ST8SIA3: variants seen among roughly 807,000 people sequenced by gnomAD.
ST8SIA3 encodes the protein alpha-N-acetylneuraminate alpha-2,8-sialyltransferase ST8SIA3.
ST8SIA3 carries 17 observed loss-of-function variants against 34.5 expected under a neutral mutation model. That is an observed-to-expected ratio of 0.49 (90% CI 0.34 to 0.74). The LOEUF is 0.74. Ranked by LOEUF, ST8SIA3 falls within the 30% of genes least tolerant of loss-of-function variation. The pLI, the probability that ST8SIA3 is intolerant of heterozygous loss-of-function variation, is 0.01. For synonymous variants in ST8SIA3, 172 were observed against 176.1 expected, an observed-to-expected ratio of 0.98 and a Z score of 0.19; for missense variants, 354 against 467.8, an observed-to-expected ratio of 0.76 and a Z score of 2.24.
rs1568100274 is a variant in ST8SIA3, at chr18:57,352,786, GAGCTGCTGGCCGCTCA to G, written c.-59_-44del. On this transcript the variant is annotated 5_prime_UTR_variant, in exon 1 of 4. In the 5' UTR this introduces an upstream ATG that the reference lacks. Coordinates refer to ENST00000324000, the MANE Select transcript of ST8SIA3 (RefSeq NM_015879.3). Reference sequence around the variant, plus strand: ...CACACACACATATATACACGCCAGCGAGCTGCTGGCCGCTCAATGGACCGATTTCCCCGGTTTCCCT... The same window carrying G: ...CACACACACATATATACACGCCAGCGATGGACCGATTTCCCCGGTTTCCCT... The G allele has an allele frequency of 2.3e-6, 3 of 1,331,646 alleles. No individual in the cohort carries two copies. The highest frequency in any genetic ancestry group is 2.1e-6 in the Non-Finnish European group (2 of 933,470). 82.5% of individuals were successfully genotyped at this position (1,331,646 alleles called of 1,614,324 possible). A position where few individuals can be genotyped will look rare whatever the true frequency, so the allele number is the denominator to read the frequency against.
chr18:57,364,289 G>A lies in ST8SIA3; in HGVS notation c.*4012G>A, dbSNP rs1338141120. The stretch of plus-strand genomic sequence containing the variant: ...ATGCATAATTTAGAAGTTGAAGGCT[G>A]AAAATTGTTGTGTTCTTCTCCATAT... On this transcript the variant is annotated 3_prime_UTR_variant, in exon 4 of 4. Coordinates refer to ENST00000324000, the MANE Select transcript of ST8SIA3 (RefSeq NM_015879.3). The A allele has an allele frequency of 6.6e-6, 1 of 152,206 alleles. No individual in the cohort carries two copies. The highest frequency in any genetic ancestry group is 1.5e-5 in the Non-Finnish European group (1 of 68,042). The allele number at this position is 152,206 out of a possible 1,614,324, so 9.4% of individuals were successfully genotyped here.
chr18:57,353,480 C>G (rs930878688), intron 1 of ST8SIA3, among the ~76,000 whole-genome samples: 1 of 152,140 alleles, frequency 6.6e-6, no homozygotes, highest in African/African-American at 2.4e-5. Context: ...GGACTCCCCT[C>G]GCGCCCTCCT....
In ST8SIA3 at chr18:57,365,850, C is replaced by T. The variant is rs1471012660; in HGVS notation, c.*5573C>T. ...CCAGACTTCTTTCTATAGCTGTGCACATAGAAAGGCTTTAGACAACAGTGA... is the reference window on the plus strand; with the variant it reads ...CCAGACTTCTTTCTATAGCTGTGCATATAGAAAGGCTTTAGACAACAGTGA... On this transcript the variant is annotated 3_prime_UTR_variant, in exon 4 of 4. Coordinates refer to ENST00000324000, the MANE Select transcript of ST8SIA3 (RefSeq NM_015879.3). 2 of 152,194 alleles carry T rather than the reference C, an allele frequency of 1.3e-5. No homozygotes were observed. The highest frequency in any genetic ancestry group is 2.9e-5 in the Non-Finnish European group (2 of 68,042). The allele number at this position is 152,194 out of a possible 1,614,324, so 9.4% of individuals were successfully genotyped here.
Position 57,360,541 on chromosome 18 carries a change from A to G in ST8SIA3, c.*264A>G. The G allele has an allele frequency of 2.3e-6, 1 of 431,880 alleles. No homozygotes were observed. The highest frequency in any genetic ancestry group is 4.0e-5 in the South Asian group (1 of 24,950). 26.8% of individuals were successfully genotyped at this position (431,880 alleles called of 1,614,324 possible). On this transcript the variant is annotated 3_prime_UTR_variant, in exon 4 of 4. Transcript: ENST00000324000. ...TGCTGCTAACGAAATGGTTTGAAGT[A>G]TTTTCATGTTTGGATTTTAATAATA... is the stretch of plus-strand genomic sequence containing the variant.
rs1397325571 is a variant in ST8SIA3 at position 57,362,220 on chromosome 18, G to A, written c.*1943G>A. On this transcript the variant is annotated 3_prime_UTR_variant, in exon 4 of 4. Transcript: ENST00000324000. The stretch of plus-strand genomic sequence containing the variant: ...GTTCCCTGTCCCTTTGAAGAGGACT[G>A]TACTACCATCCTCACACTGTGCTCT... 2.0e-5 allele frequency: 3 copies of A among 152,216 alleles called. No individual in the cohort carries two copies. Among genetic ancestry groups the A allele is most frequent in the Non-Finnish European group, 4.4e-5 (3 of 68,044 alleles). The allele number at this position is 152,216 out of a possible 1,614,324, so 9.4% of individuals were successfully genotyped here.
intron 2 of ST8SIA3, among the ~76,000 whole-genome samples, chr18:57,355,010 G>A (rs756040823): frequency 1.4e-4 from 22 of 152,122 alleles, no homozygotes; most frequent in African/African-American, 4.6e-4. Flanking sequence ...CAAATTACTC[G>A]TGAAAATGCT....
chr18:57,359,862 T>G (rs2049819975), intron 3 of ST8SIA3, 133 bp from the exon 4 acceptor site: 5 of 787,994 alleles, frequency 6.3e-6, no homozygotes, highest in Admixed American at 3.0e-5. Context: ...TTTGGTTGCC[T>G]AAAATATAAT....
At chr18:57,359,125 C>T (rs73449647) in intron 3 of ST8SIA3, among the ~76,000 whole-genome samples, 2,271 of 152,194 alleles carry the variant, frequency 0.015, 59 homozygotes, top group African/African-American at 0.052. Context: ...TCAATGAAAA[C>T]GGGAAGGAAA....
rs2049871511 is a variant in ST8SIA3 at position 57,368,228 on chromosome 18, A to C, written c.*7951A>C. On this transcript the variant is annotated 3_prime_UTR_variant, in exon 4 of 4. Coordinates refer to ENST00000324000, the MANE Select transcript of ST8SIA3 (RefSeq NM_015879.3). ...CATTAATTAGAAGTCAAGACAAAAG[A>C]ATGTTTGTGATATCTTCTCTCGCTT... 1 of 152,246 alleles carries C rather than the reference A, an allele frequency of 6.6e-6. No individual in the cohort carries two copies. Among genetic ancestry groups the C allele is most frequent in the African/African-American group, 2.4e-5 (1 of 41,460 alleles). The allele number at this position is 152,246 out of a possible 1,614,324, so 9.4% of individuals were successfully genotyped here. A position where few individuals can be genotyped will look rare whatever the true frequency, so the allele number is the denominator to read the frequency against.
rs2049838235 is a variant in ST8SIA3 at position 57,362,640 on chromosome 18, CT to C, written c.*2364del. 1 of 152,134 alleles carries C rather than the reference CT, an allele frequency of 6.6e-6. No individual in the cohort carries two copies. The highest frequency in any genetic ancestry group is 1.5e-5 in the Non-Finnish European group (1 of 68,036). 9.4% of individuals were successfully genotyped at this position (152,134 alleles called of 1,614,324 possible). A position where few individuals can be genotyped will look rare whatever the true frequency, so the allele number is the denominator to read the frequency against. ...TTCCCATCCCCCACCACCGTGTTAT[CT>C]ATCACTTTAATGAAAACTCAAAATA... On this transcript the variant is annotated 3_prime_UTR_variant, in exon 4 of 4. Transcript: ENST00000324000.
At position 57,368,815 on chromosome 18, in the gene ST8SIA3, G is replaced by A. The variant is rs572915559; in HGVS notation, c.*8538G>A. 5.9e-5 allele frequency: 9 copies of A among 152,332 alleles called. No individual in the cohort carries two copies. The East Asian group carries it at 1.5e-3, about 26-fold the overall frequency. The allele number at this position is 152,332 out of a possible 1,614,324, so 9.4% of individuals were successfully genotyped here. A position where few individuals can be genotyped will look rare whatever the true frequency, so the allele number is the denominator to read the frequency against. ...TGAAGAAAATGCAACCATTTGCTTC[G>A]ACAGCTCCTCAAATGTACTTGTTAA... On this transcript the variant is annotated 3_prime_UTR_variant, in exon 4 of 4. Coordinates refer to ENST00000324000, the MANE Select transcript of ST8SIA3 (RefSeq NM_015879.3).
chr18:57,363,415 T>G lies in ST8SIA3; in HGVS notation c.*3138T>G, dbSNP rs918417782. On this transcript the variant is annotated 3_prime_UTR_variant, in exon 4 of 4. Transcript: ENST00000324000. Reference sequence around the variant, plus strand: ...CCACCTTGTGTCTGTGTCTTAAGTGTCTGTGAATATTGTAAAAGTGCTGTA... The same window carrying G: ...CCACCTTGTGTCTGTGTCTTAAGTGGCTGTGAATATTGTAAAAGTGCTGTA... 3 of 152,264 alleles carry G rather than the reference T, an allele frequency of 2.0e-5. No individual in the cohort carries two copies. Among genetic ancestry groups the G allele is most frequent in the African/African-American group, 7.2e-5 (3 of 41,458 alleles). The allele number at this position is 152,264 out of a possible 1,614,324, so 9.4% of individuals were successfully genotyped here. A position where few individuals can be genotyped will look rare whatever the true frequency, so the allele number is the denominator to read the frequency against.
intron 1 of ST8SIA3, 103 bp from the exon 2 acceptor site, chr18:57,354,297 GCA>G: frequency 6.9e-7 from 1 of 1,450,824 alleles, no homozygotes; most frequent in South Asian, 1.2e-5. Flanking sequence ...AACGGAGCCC[GCA>G]CGCGTACCAG....
chr18:57,356,871 C>T (rs753562360), intron 2 of ST8SIA3, 42 bp from the exon 3 acceptor site: 1 of 1,294,988 alleles, frequency 7.7e-7, no homozygotes, highest in East Asian at 2.3e-5. Flanking sequence ...AAAATCAGTT[C>T]TTCTGAATGG....
At position 57,366,323 on chromosome 18, in the gene ST8SIA3, A is replaced by C. The variant is rs181182661; in HGVS notation, c.*6046A>C. On this transcript the variant is annotated 3_prime_UTR_variant, in exon 4 of 4. Transcript: ENST00000324000. ...TGTTCAAATATTCCACGTGACTCTT[A>C]GGAACCTCTCAACAGACTCCCCAGT... 2.0e-5 allele frequency: 3 copies of C among 152,612 alleles called. No homozygotes were observed. The highest frequency in any genetic ancestry group is 2.0e-4 in the Admixed American group (3 of 15,284). The allele number at this position is 152,612 out of a possible 1,614,324, so 9.5% of individuals were successfully genotyped here. A position where few individuals can be genotyped will look rare whatever the true frequency, so the allele number is the denominator to read the frequency against.
rs764954178 is a variant in ST8SIA3 at position 57,352,984 on chromosome 18, C to T, written c.138C>T (p.Ser46=). The change falls in exon 1 of 4, where the codon AGC becomes AGT. Residue 46 remains serine, a synonymous_variant. Coordinates refer to ENST00000324000, the MANE Select transcript of ST8SIA3 (RefSeq NM_015879.3). ...TCTTCACCACTCCCAAGTACGCCAGCCCGGGGGCGCCCCGAATGTACATGT... is the reference window on the plus strand; with the variant it reads ...TCTTCACCACTCCCAAGTACGCCAGTCCGGGGGCGCCCCGAATGTACATGT... ...ENIFTTPKYA[S]PGAPRMYMFH... 2 of 1,611,692 alleles carry T rather than the reference C, an allele frequency of 1.2e-6. No individual in the cohort carries two copies. Among genetic ancestry groups the T allele is most frequent in the East Asian group, 2.2e-5 (1 of 44,838 alleles).
At position 57,367,536 on chromosome 18, in the gene ST8SIA3, C is replaced by T. The variant is rs977713818; in HGVS notation, c.*7259C>T. 1 of 152,550 alleles carries T rather than the reference C, an allele frequency of 6.6e-6. No individual in the cohort carries two copies. The highest frequency in any genetic ancestry group is 6.5e-5 in the Admixed American group (1 of 15,284). 9.4% of individuals were successfully genotyped at this position (152,550 alleles called of 1,614,324 possible). A position where few individuals can be genotyped will look rare whatever the true frequency, so the allele number is the denominator to read the frequency against. On this transcript the variant is annotated 3_prime_UTR_variant, in exon 4 of 4. Coordinates refer to ENST00000324000, the MANE Select transcript of ST8SIA3 (RefSeq NM_015879.3). ...CTTGTTTTATTATGAACAAATTCACCAGAAAACCATTCTTGAGGAACCAGC... is the reference window on the plus strand; with the variant it reads ...CTTGTTTTATTATGAACAAATTCACTAGAAAACCATTCTTGAGGAACCAGC...
rs1408543454 is a variant in ST8SIA3, at chr18:57,357,057, A to AT, written c.447_448insT (p.Asp150Ter). 1 of 1,614,104 alleles carries AT rather than the reference A, an allele frequency of 6.2e-7. No individual in the cohort carries two copies. Among genetic ancestry groups the AT allele is most frequent in the South Asian group, 1.1e-5 (1 of 91,082 alleles). ...GCAATAACTTCCGGTCACTTCTTCCAGATGTGTCACCCATTATGAACAAGC... is the reference window on the plus strand; with the variant it reads ...GCAATAACTTCCGGTCACTTCTTCCATGATGTGTCACCCATTATGAACAAGC... On this transcript the variant is annotated frameshift_variant, in exon 3 of 4. Transcript: ENST00000324000. LOFTEE classifies it high-confidence loss of function.
At chr18:57,358,149 A>G (rs940312728) in intron 3 of ST8SIA3, among the ~76,000 whole-genome samples, 4 of 152,222 alleles carry the variant, frequency 2.6e-5, no homozygotes, top group African/African-American at 7.2e-5. Context: ...CCTAATGTAA[A>G]TTATCTGGTG....
Sources: gnomAD v4.1 joint callset for allele counts (sites outside exome capture counted in the v4.1 genomes callset) on GRCh38, gnomAD v4.1.1 for gene constraint, MANE v1.5 for transcripts, NCBI Gene and HGNC (gene_info 2026-07-23, HGNC 2026-07-21) for gene names.